The following PLXDC2 variants were observed in gnomAD, a reference collection of about 807,000 sequenced individuals.
PLXDC2 encodes the protein plexin domain-containing protein 2.
In PLXDC2, 40 loss-of-function variants were observed where a neutral mutation model predicts 68.9. That is an observed-to-expected ratio of 0.58 (90% CI 0.45 to 0.76). PLXDC2 has a LOEUF of 0.76. Ranked by LOEUF, PLXDC2 falls within the 30% of genes least tolerant of loss-of-function variation. The pLI is 0.00. For synonymous variants in PLXDC2, 243 were observed against 234.2 expected, an observed-to-expected ratio of 1.04 and a Z score of -0.34; for missense variants, 644 against 661.9, an observed-to-expected ratio of 0.97 and a Z score of 0.30.
chr10:19,989,356 C>T (rs769730040), intron 1 of PLXDC2, among the ~76,000 whole-genome samples: 19 of 152,166 alleles, frequency 1.2e-4, no homozygotes, highest in Admixed American at 3.9e-4. Context: ...CAAATGATTG[C>T]AGTTGTTCAC....
intron 9 of PLXDC2, among the ~76,000 whole-genome samples, chr10:20,200,672 G>T (rs967307146): frequency 6.6e-6 from 1 of 151,886 alleles, no homozygotes; most frequent in Admixed American, 6.6e-5. Context: ...TCAAACATCC[G>T]AACAGCAAAT....
At chr10:20,064,871 T>G (rs1178915696) in intron 3 of PLXDC2, among the ~76,000 whole-genome samples, 3 of 146,016 alleles carry the variant, frequency 2.1e-5, no homozygotes, top group Non-Finnish European at 4.5e-5. Flanking sequence ...GGGCATGTTT[T>G]TGCTTTGTTT....
intron 7 of PLXDC2, among the ~76,000 whole-genome samples, chr10:20,165,533 G>GT (rs1490938369): frequency 1.3e-5 from 2 of 151,898 alleles, no homozygotes; most frequent in Admixed American, 6.6e-5. Context: ...GCGGTGTTTG[G>GT]TTTTTTGTTC....
chr10:19,860,904 C>T (rs955786083), intron 1 of PLXDC2, among the ~76,000 whole-genome samples: 6 of 152,152 alleles, frequency 3.9e-5, no homozygotes, highest in African/African-American at 1.2e-4. Context: ...AAAGGCTTGT[C>T]AAGGTCTGGT....
At chr10:20,065,733 C>T (rs963081378) in intron 3 of PLXDC2, among the ~76,000 whole-genome samples, 4 of 152,300 alleles carry the variant, frequency 2.6e-5, no homozygotes, top group South Asian at 4.1e-4. Context: ...CTAGATCCCT[C>T]GCATGTGCAG....
chr10:20,155,917 T>A (rs1834210726), intron 6 of PLXDC2, among the ~76,000 whole-genome samples: 1 of 152,172 alleles, frequency 6.6e-6, no homozygotes, highest in South Asian at 2.1e-4. Flanking sequence ...TCTCATTCTG[T>A]TGCCTCGGCT....
At chr10:19,949,113 G>T (rs560960645) in intron 1 of PLXDC2, among the ~76,000 whole-genome samples, 1 of 96,596 alleles carries the variant, frequency 1.0e-5, no homozygotes, top group Non-Finnish European at 1.9e-5. Context: ...GCAACAGAGC[G>T]AGACTTTGTC....
At chr10:20,195,976 TC>T (rs1279793077) in intron 9 of PLXDC2, among the ~76,000 whole-genome samples, 1 of 152,150 alleles carries the variant, frequency 6.6e-6, no homozygotes, top group Non-Finnish European at 1.5e-5. Flanking sequence ...TACAGCTCTC[TC>T]TTTTCCCCCT....
chr10:20,197,697 C>T (rs757384065), intron 9 of PLXDC2, among the ~76,000 whole-genome samples: 7 of 151,376 alleles, frequency 4.6e-5, no homozygotes, highest in Non-Finnish European at 1.0e-4. Flanking sequence ...CTTGCTCTGT[C>T]GCCCAAGCTG....
intron 1 of PLXDC2, among the ~76,000 whole-genome samples, chr10:19,983,022 T>C (rs1025090272): frequency 6.6e-6 from 1 of 152,204 alleles, no homozygotes; most frequent in African/African-American, 2.4e-5. Context: ...TAACATACTT[T>C]TTACACCATT....
At chr10:20,204,315 T>C (rs1229343937) in intron 9 of PLXDC2, among the ~76,000 whole-genome samples, 3 of 152,196 alleles carry the variant, frequency 2.0e-5, no homozygotes, top group African/African-American at 7.2e-5. Flanking sequence ...TTTTCCCATA[T>C]CTTACAGCTC....
At chr10:20,270,880 A>C (rs1287983070) in intron 13 of PLXDC2, among the ~76,000 whole-genome samples, 2 of 151,960 alleles carry the variant, frequency 1.3e-5, no homozygotes, top group Non-Finnish European at 2.9e-5. Flanking sequence ...TTAGGAAGGA[A>C]AGTGACAGGA....
intron 13 of PLXDC2, among the ~76,000 whole-genome samples, chr10:20,266,111 T>G (rs1387083755): frequency 2.0e-5 from 3 of 152,148 alleles, no homozygotes; most frequent in Admixed American, 2.0e-4. Context: ...CACCATCCAG[T>G]GCACATAAGG....
At chr10:20,004,432 A>G (rs1211086566) in intron 2 of PLXDC2, among the ~76,000 whole-genome samples, 1 of 152,098 alleles carries the variant, frequency 6.6e-6, no homozygotes, top group Non-Finnish European at 1.5e-5. Context: ...AGGCAACATA[A>G]TTCTTCCCTG....
intron 4 of PLXDC2, among the ~76,000 whole-genome samples, chr10:20,084,768 T>C (rs1319689148): frequency 6.6e-6 from 1 of 151,970 alleles, no homozygotes; most frequent in African/African-American, 2.4e-5. Flanking sequence ...AAGGAAAGGC[T>C]GGCCTGATAG....
intron 13 of PLXDC2, among the ~76,000 whole-genome samples, chr10:20,272,374 T>C (rs1345466232): frequency 6.6e-6 from 1 of 152,160 alleles, no homozygotes; most frequent in Admixed American, 6.5e-5. Flanking sequence ...TTTACTTTCA[T>C]ATTTTCCCTG....
In PLXDC2 at chr10:20,068,721, G is replaced by T. The variant is rs527958167; in HGVS notation, c.541+482G>T. ...TTAGCTTTGATCATTTTTTTTCCTT[G>T]AGTGTTACCTATTTTGATTGACAAC... On this transcript the variant is annotated intron_variant, in intron 4 of 13. Transcript: ENST00000377252. Among the ~76,000 whole-genome samples the T allele has an allele frequency of 2.7e-5, 4 of 150,218 alleles. No individual in the cohort carries two copies. In the East Asian group the frequency reaches 7.8e-4, roughly 29 times the overall value.
intron 9 of PLXDC2, among the ~76,000 whole-genome samples, chr10:20,205,500 T>C (rs1447422882): frequency 6.6e-6 from 1 of 152,110 alleles, no homozygotes; most frequent in African/African-American, 2.4e-5. Flanking sequence ...AGAGTTTCTC[T>C]CATAATATTC....
intron 1 of PLXDC2, among the ~76,000 whole-genome samples, chr10:19,854,816 C>T (rs898474975): frequency 6.6e-6 from 1 of 152,134 alleles, no homozygotes; most frequent in African/African-American, 2.4e-5. Context: ...TCACCCCAGT[C>T]CTGATAGTTT....
Sources: gnomAD v4.1 joint callset for allele counts (sites outside exome capture counted in the v4.1 genomes callset) on GRCh38, gnomAD v4.1.1 for gene constraint, MANE v1.5 for transcripts, NCBI Gene and HGNC (gene_info 2026-07-23, HGNC 2026-07-21) for gene names.